The following MYCBP2 variants were observed in gnomAD, a reference collection of about 807,000 sequenced individuals.
MYCBP2 encodes MYC binding protein 2, also known as E3 ubiquitin-protein ligase MYCBP2.
MYCBP2 carries 120 observed loss-of-function variants against 525.3 expected under a neutral mutation model. The observed-to-expected ratio is 0.23, with a 90% confidence interval of 0.20 to 0.27. MYCBP2 has a LOEUF of 0.27. Ranked by LOEUF, MYCBP2 falls within the 10% of genes least tolerant of loss-of-function variation. MYCBP2 has a pLI of 1.00. For missense variants in MYCBP2, 4,149 were observed against 5,657.1 expected (o/e 0.73, Z 8.55); for synonymous variants, 1,894 against 1,955.8 (o/e 0.97, Z 0.83).
chr13:77,319,123 T>C (rs774164817), intron 1 of MYCBP2, among the ~76,000 whole-genome samples: 19 of 152,128 alleles, frequency 1.2e-4, no homozygotes, highest in Non-Finnish European at 2.1e-4. Flanking sequence ...TGTGTGTGTG[T>C]GTTTGTGTGT....
At chr13:77,086,430 T>C (rs1362824894) in intron 62 of MYCBP2, among the ~76,000 whole-genome samples, 1 of 152,124 alleles carries the variant, frequency 6.6e-6, no homozygotes, top group East Asian at 1.9e-4. Flanking sequence ...TCCACCATGA[T>C]TTGTATTTAT....
chr13:77,138,809 T>G (rs932152233), intron 52 of MYCBP2, among the ~76,000 whole-genome samples: 7 of 152,218 alleles, frequency 4.6e-5, no homozygotes, highest in African/African-American at 1.7e-4. Flanking sequence ...ATAACATACA[T>G]TTATACATGT....
chr13:77,306,670 G>A (rs2079462135), intron 1 of MYCBP2, among the ~76,000 whole-genome samples: 2 of 152,124 alleles, frequency 1.3e-5, no homozygotes, highest in African/African-American at 4.8e-5. Context: ...AGGTAGGCCA[G>A]GGAAACTCAA....
chr13:77,119,557 C>A (rs1174864104), intron 55 of MYCBP2, among the ~76,000 whole-genome samples: 2 of 151,772 alleles, frequency 1.3e-5, no homozygotes, highest in East Asian at 1.9e-4. Context: ...AAAAAACTTA[C>A]AAAAAACAGC....
chr13:77,093,088 A>G, intron 59 of MYCBP2, 77 bp downstream of exon 59: 5 of 1,398,090 alleles, frequency 3.6e-6, no homozygotes, highest in Non-Finnish European at 4.8e-6. Context: ...AAGAACTTCT[A>G]CAGGACTCTT....
rs937655445 is a variant in MYCBP2 at position 77,098,429 on chromosome 13, T to G, written c.8725A>C (p.Thr2909Pro). ...CTATTTTCAGATCCAGGGGAATCTG[T>G]AGAATCCTTTGGTACTGATTTTGGT... ...PKPKSVPKDS[T>P]DSPGSENRAP... Residue 2909 changes from threonine to proline, a missense_variant, in exon 56 of 83, where the codon ACA becomes CCA. Transcript: ENST00000544440. The G allele has an allele frequency of 5.0e-6, 8 of 1,613,588 alleles. No homozygotes were observed. The African/African-American group carries it at 1.1e-4, about 22-fold the overall frequency.
chr13:77,251,703 G>C (rs1411759066), intron 14 of MYCBP2, among the ~76,000 whole-genome samples: 2 of 152,090 alleles, frequency 1.3e-5, no homozygotes, highest in Admixed American at 6.6e-5. Flanking sequence ...CAAGCCAAGA[G>C]TTCCCCACTC....
intron 44 of MYCBP2, among the ~76,000 whole-genome samples, chr13:77,161,216 G>A (rs541217487): frequency 4.5e-4 from 69 of 152,306 alleles, no homozygotes; most frequent in African/African-American, 1.7e-3. Flanking sequence ...CTAGCTAGCT[G>A]AAGTCAGACT....
chr13:77,062,521 T>C, intron 74 of MYCBP2, 75 bp downstream of exon 74: 1 of 1,273,948 alleles, frequency 7.8e-7, no homozygotes, highest in East Asian at 2.3e-5. Context: ...TTTTGTTTGT[T>C]TGTTTGTTTT....
At position 77,234,922 on chromosome 13, in the gene MYCBP2, C is replaced by T. The variant is rs1280700767; in HGVS notation, c.2630-1659G>A. Among the ~76,000 whole-genome samples, 4 of 152,040 alleles carry T rather than the reference C, an allele frequency of 2.6e-5. No homozygotes were observed. The East Asian group carries it at 7.7e-4, about 29-fold the overall frequency. On this transcript the variant is annotated intron_variant, in intron 17 of 82. Coordinates refer to ENST00000544440, the MANE Select transcript of MYCBP2 (RefSeq NM_015057.5). ...TCATGAAAATACATCACACCCACAC[C>T]CGTTTAATGTCTTGCTAAATTCAAT...
At position 77,217,964 on chromosome 13, in the gene MYCBP2, T is replaced by TAAA; in HGVS notation, c.2940-10_2940-8dup. The TAAA allele has an allele frequency of 5.0e-6, 7 of 1,402,440 alleles. No individual in the cohort carries two copies. Among genetic ancestry groups the TAAA allele is most frequent in the South Asian group, 1.3e-5 (1 of 75,390 alleles). The allele number at this position is 1,402,440 out of a possible 1,614,324, so 86.9% of individuals were successfully genotyped here. A position where few individuals can be genotyped will look rare whatever the true frequency, so the allele number is the denominator to read the frequency against. ...AACAAGAGTGGGACATCCCCTAGGT[T>TAAA]AAAAAAAAAAAAAGTAAGTCAATTT... On this transcript the variant is annotated splice_region_variant and splice_polypyrimidine_tract_variant and intron_variant, in intron 20 of 82. Transcript: ENST00000544440.
intron 47 of MYCBP2, among the ~76,000 whole-genome samples, chr13:77,149,755 T>C (rs150845109): frequency 2.6e-5 from 4 of 152,368 alleles, no homozygotes; most frequent in East Asian, 3.9e-4. Flanking sequence ...TTTCATCTTT[T>C]ATTTCCTACC....
chr13:77,126,100 A>G (rs2051617281), intron 53 of MYCBP2, among the ~76,000 whole-genome samples: 1 of 152,248 alleles, frequency 6.6e-6, no homozygotes, highest in South Asian at 2.1e-4. Context: ...TATATATACA[A>G]TACAAATCAT....
chr13:77,125,241 CA>C, intron 54 of MYCBP2, 94 bp downstream of exon 54: 3 of 1,462,994 alleles, frequency 2.1e-6, no homozygotes, highest in Non-Finnish European at 1.8e-6. Flanking sequence ...AGCAAACACA[CA>C]AAAAACTCTT....
At chr13:77,146,927 C>T (rs1043354350) in intron 47 of MYCBP2, among the ~76,000 whole-genome samples, 8 of 151,964 alleles carry the variant, frequency 5.3e-5, no homozygotes, top group Middle Eastern at 3.2e-3. Context: ...TGCTCATGTA[C>T]AAAAGGAGAC....
At chr13:77,313,864 C>T (rs1454438159) in intron 1 of MYCBP2, among the ~76,000 whole-genome samples, 1 of 151,768 alleles carries the variant, frequency 6.6e-6, no homozygotes, top group Non-Finnish European at 1.5e-5. Context: ...ACAGACACCT[C>T]ACCGAACAAG....
rs771427086 is a variant in MYCBP2 at position 77,058,169 on chromosome 13, C to A, written c.13329+49G>T. ...TCAATGTTTATTTGACAAATATATT[C>A]CCCATCTTAATGTCTGGATACATTC... On this transcript the variant is annotated intron_variant, in intron 78 of 82. Transcript: ENST00000544440. The surrounding 1 kb of genome is among the most constrained non-coding windows in gnomAD (Gnocchi z 4.1). 12 of 1,574,004 alleles carry A rather than the reference C, an allele frequency of 7.6e-6. No individual in the cohort carries two copies. Among genetic ancestry groups the A allele is most frequent in the Non-Finnish European group, 1.0e-5 (12 of 1,153,292 alleles).
At chr13:77,154,322 T>C (rs116158808) in intron 46 of MYCBP2, among the ~76,000 whole-genome samples, 2,039 of 147,138 alleles carry the variant, frequency 0.014, 46 homozygotes, top group African/African-American at 0.047. Context: ...GGAAAGATAG[T>C]AGGAGAAGCA....
intron 6 of MYCBP2, 92 bp downstream of exon 6, chr13:77,270,204 C>A: frequency 6.9e-7 from 1 of 1,456,618 alleles, no homozygotes; most frequent in Non-Finnish European, 9.2e-7. Context: ...AAAATTAGAT[C>A]ATATTCTAGA....
Sources: gnomAD v4.1 joint callset for allele counts (sites outside exome capture counted in the v4.1 genomes callset) on GRCh38, gnomAD v4.1.1 for gene constraint, Gnocchi (gnomAD v3.1) non-coding constraint, MANE v1.5 for transcripts, NCBI Gene and HGNC (gene_info 2026-07-23, HGNC 2026-07-21) for gene names.